RBM46: variants seen among roughly 807,000 people sequenced by gnomAD.
The protein encoded by RBM46 is probable RNA-binding protein 46.
RBM46 carries 12 observed loss-of-function variants against 43.3 expected under a neutral mutation model. The observed-to-expected ratio is 0.28, with a 90% CI of 0.18 to 0.45. RBM46 has a LOEUF of 0.45. Among genes scored for constraint, RBM46 ranks in the 20% least tolerant of loss-of-function variants. RBM46 has a pLI of 1.00. For missense variants in RBM46, 412 were observed against 639.1 expected (o/e 0.64, Z 3.83); for synonymous variants, 205 against 207.6 (o/e 0.99, Z 0.11).
At chr4:154,800,348 A>G (rs1734573476) in intron 4 of RBM46, among the ~76,000 whole-genome samples, 1 of 152,206 alleles carries the variant, frequency 6.6e-6, no homozygotes, top group Admixed American at 6.5e-5. Flanking sequence ...ACACAGCTTT[A>G]TGCTCACCAA....
chr4:154,797,824 A>G lies in RBM46; in HGVS notation c.165A>G (p.Pro55=). 1.3e-6 allele frequency: 2 copies of G among 1,534,106 alleles called. No homozygotes were observed. The highest frequency in any genetic ancestry group is 2.6e-5 in the South Asian group (2 of 75,690). ...FGGPPPGWEG[P]PPPRGCEVFV... is the part of the protein sequence containing the mutation. ...TTTGTCGTTCAGGTTGGGAAGGTCC[A>G]CCTCCACCTAGAGGCTGTGAAGTTT... The change falls in exon 3 of 5, where the codon CCA becomes CCG. Residue 55 remains proline (P), a synonymous_variant. Transcript: ENST00000281722.
intron 1 of RBM46, among the ~76,000 whole-genome samples, chr4:154,787,578 T>G (rs1490336081): frequency 1.3e-5 from 2 of 152,116 alleles, no homozygotes; most frequent in Non-Finnish European, 2.9e-5. Context: ...TAATCCAGTC[T>G]ATCATTGATG....
At chr4:154,826,949 T>G in intron 4 of RBM46, 1 of 1,317,494 alleles carries the variant, frequency 7.6e-7, no homozygotes, top group South Asian at 2.5e-5. Flanking sequence ...TTTCTTTTCT[T>G]CCATTCCTAG....
chr4:154,826,830 A>G lies in RBM46; in HGVS notation c.1403-1038A>G. 3 of 1,524,246 alleles carry G rather than the reference A, an allele frequency of 2.0e-6. No individual in the cohort carries two copies. In the South Asian group the frequency reaches 3.7e-5, roughly 19 times the overall value. 94.4% of individuals were successfully genotyped at this position (1,524,246 alleles called of 1,614,324 possible). On this transcript the variant is annotated intron_variant, in intron 4 of 4. Transcript: ENST00000281722. ...TTGATCTCATTCCTGTTGGCTAAAC[A>G]TTAAGTCCCATGACAACATTAAGTT...
Position 154,796,750 on chromosome 4 carries a change from A to G in RBM46, c.-3A>G, listed in dbSNP as rs756550392. On this transcript the variant is annotated 5_prime_UTR_variant, in exon 2 of 5. Transcript: ENST00000281722. ...ATTAAACTTTATTTTAGGAACTGCAACCATGAATGAAGAAAATATAGATGG... is the reference window on the plus strand; with the variant it reads ...ATTAAACTTTATTTTAGGAACTGCAGCCATGAATGAAGAAAATATAGATGG... The G allele has an allele frequency of 3.7e-5, 60 of 1,601,924 alleles. No individual in the cohort carries two copies. Among genetic ancestry groups the G allele is most frequent in the Non-Finnish European group, 4.8e-5 (56 of 1,174,786 alleles).
intron 4 of RBM46, among the ~76,000 whole-genome samples, chr4:154,825,941 G>A (rs1735936357): frequency 6.6e-6 from 1 of 152,108 alleles, no homozygotes; most frequent in African/African-American, 2.4e-5. Flanking sequence ...CTTCTAAATT[G>A]TATTGTTGAT....
Position 154,809,370 on chromosome 4 carries a change from G to A in RBM46, c.1402+9806G>A, listed in dbSNP as rs191091589. 1.0e-3 allele frequency among the ~76,000 whole-genome samples: 158 copies of A among 151,888 alleles called. 1 individual carries two copies. The highest frequency in any genetic ancestry group is 3.7e-3 in the African/African-American group (155 of 41,466). The stretch of plus-strand genomic sequence containing the variant: ...TGATATATTGGAGAATGATTTCATT[G>A]CCTTTAGATTTAATCAGAATTTTTC... On this transcript the variant is annotated intron_variant, in intron 4 of 4. Coordinates refer to ENST00000281722, the MANE Select transcript of RBM46 (RefSeq NM_144979.5).
In RBM46 at chr4:154,799,145, A is replaced by C. The variant is rs1323949352; in HGVS notation, c.983A>C (p.Glu328Ala). The C allele has an allele frequency of 6.2e-7, 1 of 1,614,172 alleles. No individual in the cohort carries two copies. Among genetic ancestry groups the C allele is most frequent in the Admixed American group, 1.7e-5 (1 of 60,024 alleles). ...AATGGTCAGATTAGTCCAAATTCTG[A>C]AAATCTGATTGTGTTTGCTAACAAA... ...HLNGQISPNS[E>A]NLIVFANKEE... The change falls in exon 4 of 5, where the codon GAA becomes GCA. Residue 328 changes from glutamate to alanine, a missense_variant. Physicochemically the swap from Glu to Ala is moderately radical, Grantham distance 107 (BLOSUM62 -1). Around this residue, in one of 8 missense-constraint regions of RBM46, gnomAD observed 105 missense variants for 111.0 expected, o/e 0.95. Transcript: ENST00000281722.
At chr4:154,820,261 C>A (rs1303822751) in intron 4 of RBM46, 2 of 640,252 alleles carry the variant, frequency 3.1e-6, no homozygotes, top group Non-Finnish European at 2.4e-6. Context: ...ATTTACTGAT[C>A]AAAAGGTTTT....
At chr4:154,786,842 G>T (rs541911748) in intron 1 of RBM46, among the ~76,000 whole-genome samples, 1 of 152,110 alleles carries the variant, frequency 6.6e-6, no homozygotes, top group Non-Finnish European at 1.5e-5. Flanking sequence ...AAGGAGAATC[G>T]CTTGAACCTG....
intron 4 of RBM46, among the ~76,000 whole-genome samples, chr4:154,809,002 AT>A (rs989128161): frequency 1.8e-4 from 28 of 151,978 alleles, no homozygotes; most frequent in Admixed American, 8.5e-4. Flanking sequence ...TCGGAGAGGG[AT>A]TTACAAATGA....
At chr4:154,785,914 TG>T (rs1331844835) in intron 1 of RBM46, among the ~76,000 whole-genome samples, 1 of 152,222 alleles carries the variant, frequency 6.6e-6, no homozygotes, top group Non-Finnish European at 1.5e-5. Context: ...CACTTGCAGT[TG>T]TAATATTACT....
rs777896148 is a variant in RBM46, at chr4:154,818,223, GTTTA to G, written c.1403-9638_1403-9635del. On this transcript the variant is annotated intron_variant, in intron 4 of 4. Coordinates refer to ENST00000281722, the MANE Select transcript of RBM46 (RefSeq NM_144979.5). ...CCATCTCTAAGCTTCCACTAGAATT[GTTTA>G]TTTATTCTACCTAAAGAATACTGAT... is the stretch of plus-strand genomic sequence containing the variant. Among the ~76,000 whole-genome samples, 11 of 152,056 alleles carry G rather than the reference GTTTA, an allele frequency of 7.2e-5. No individual in the cohort carries two copies. The South Asian group carries it at 1.5e-3, about 20-fold the overall frequency.
intron 4 of RBM46, among the ~76,000 whole-genome samples, chr4:154,813,647 G>A (rs146838389): frequency 1.8e-4 from 27 of 151,974 alleles, no homozygotes; most frequent in Non-Finnish European, 3.2e-4. Context: ...AATGTCAGTC[G>A]CTTATTGTAT....
intron 4 of RBM46, chr4:154,820,256 C>A: frequency 1.7e-6 from 1 of 571,568 alleles, no homozygotes; most frequent in Non-Finnish European, 2.8e-6. Flanking sequence ...TTTTTATTTA[C>A]TGATCAAAAG....
intron 4 of RBM46, among the ~76,000 whole-genome samples, chr4:154,818,061 A>G (rs1366368396): frequency 6.6e-6 from 1 of 152,042 alleles, no homozygotes; most frequent in East Asian, 1.9e-4. Flanking sequence ...GTACTTATAT[A>G]TATATATTTA....
Position 154,824,750 on chromosome 4 carries a change from A to C in RBM46, c.1403-3118A>C, listed in dbSNP as rs181784382. Among the ~76,000 whole-genome samples the C allele has an allele frequency of 4.6e-5, 7 of 152,218 alleles. No homozygotes were observed. The East Asian group carries it at 1.4e-3, about 29-fold the overall frequency. On this transcript the variant is annotated intron_variant, in intron 4 of 4. Transcript: ENST00000281722. ...TTTTTTATTGGTAAAAATTAATTCA[A>C]ATGTGCTTAAAATTATGTTGAGAGA...
intron 4 of RBM46, among the ~76,000 whole-genome samples, chr4:154,818,536 A>G (rs1473684859): frequency 6.6e-6 from 1 of 152,182 alleles, no homozygotes; most frequent in Non-Finnish European, 1.5e-5. Context: ...TATGATTTTC[A>G]GAAGTTTTAC....
chr4:154,828,734 T>C lies in RBM46; in HGVS notation c.*667T>C, dbSNP rs1045563980. On this transcript the variant is annotated 3_prime_UTR_variant, in exon 5 of 5. Transcript: ENST00000281722. ...TTTGTATTGTTAATAACAAGTGTTA[T>C]GGGTTTTTAATGTTGAAATCATGTG... 3 of 152,632 alleles carry C rather than the reference T, an allele frequency of 2.0e-5. No homozygotes were observed. The highest frequency in any genetic ancestry group is 2.1e-4 in the South Asian group (1 of 4,834). The allele number at this position is 152,632 out of a possible 1,614,324, so 9.5% of individuals were successfully genotyped here. A position where few individuals can be genotyped will look rare whatever the true frequency, so the allele number is the denominator to read the frequency against.
Sources: gnomAD v4.1 joint callset for allele counts (sites outside exome capture counted in the v4.1 genomes callset) on GRCh38, gnomAD v4.1.1 for gene constraint, gnomAD v4.1.1 regional missense constraint, MANE v1.5 for transcripts, NCBI Gene and HGNC (gene_info 2026-07-23, HGNC 2026-07-21) for gene names.